The following GC variants were observed in gnomAD, a reference collection of about 807,000 sequenced individuals.
The protein encoded by GC is vitamin D-binding protein.
In GC, 43 loss-of-function variants were observed where a neutral mutation model predicts 56.7. That is an observed-to-expected ratio of 0.76 (90% CI 0.59 to 0.98). The LOEUF is 0.98. GC is among the 50% of genes least tolerant of loss of function. GC has a pLI of 0.00. For synonymous variants in GC, 216 were observed against 202.7 expected, an observed-to-expected ratio of 1.07 and a Z score of -0.56; for missense variants, 529 against 545.9, an observed-to-expected ratio of 0.97 and a Z score of 0.31.
At chr4:71,782,804 T>C (rs1413862097) in intron 1 of GC, among the ~76,000 whole-genome samples, 1 of 151,800 alleles carries the variant, frequency 6.6e-6, no homozygotes, top group Non-Finnish European at 1.5e-5. Context: ...AGCAAATCCT[T>C]GGCCAAAAGA....
rs966864191 is a variant in GC at position 71,782,128 on chromosome 4, C to G, written c.58+1833G>C. ...ACAGAAACTTCTTTTCAAGGTAAGT[C>G]TTGAGTGTAATATATTTTGAAACAG... On this transcript the variant is annotated intron_variant, in intron 1 of 12. Coordinates refer to ENST00000273951, the MANE Select transcript of GC (RefSeq NM_000583.4). Among the ~76,000 whole-genome samples the G allele has an allele frequency of 8.6e-5, 13 of 151,652 alleles. No individual in the cohort carries two copies. In the East Asian group the frequency reaches 2.0e-3, roughly 23 times the overall value.
intron 11 of GC, 143 bp downstream of exon 11, chr4:71,752,375 T>G (rs555377347): frequency 1.6e-6 from 1 of 638,570 alleles, no homozygotes; most frequent in East Asian, 2.9e-5. Flanking sequence ...TTACTTTCAT[T>G]GCAAAGACAG....
At chr4:71,771,304 T>C (rs1192243441) in intron 1 of GC, among the ~76,000 whole-genome samples, 1 of 151,910 alleles carries the variant, frequency 6.6e-6, no homozygotes, top group African/African-American at 2.4e-5. Context: ...GTGGAGGTGG[T>C]GGTGATTAGA....
chr4:71,783,898 G>A (rs1441323629), intron 1 of GC, 63 bp downstream of exon 1: 1 of 1,217,270 alleles, frequency 8.2e-7, no homozygotes, highest in African/African-American at 1.6e-5. Context: ...CATTTTTTAA[G>A]TGATAATATA....
Position 71,754,456 on chromosome 4 carries a change from A to G in GC, c.1217T>C (p.Leu406Pro). ...LSSFIDKGQE[L>P]CADYSENTFT... ...TGTATTTTCTGAATAATCTGCACAT[A>G]GTTCTTGTCCCTTGTCAATGAAAGA... Residue 406 changes from leucine to proline, a missense_variant, in exon 10 of 13, where the codon CTA becomes CCA. Physicochemically the swap from Leu to Pro is moderately conservative, Grantham distance 98 (BLOSUM62 -3). Coordinates refer to ENST00000273951, the MANE Select transcript of GC (RefSeq NM_000583.4). The G allele has an allele frequency of 1.3e-6, 2 of 1,595,304 alleles. No individual in the cohort carries two copies. The highest frequency in any genetic ancestry group is 1.7e-6 in the Non-Finnish European group (2 of 1,163,766).
intron 1 of GC, among the ~76,000 whole-genome samples, chr4:71,778,831 C>T (rs970011456): frequency 2.6e-5 from 4 of 151,400 alleles, no homozygotes; most frequent in Non-Finnish European, 5.9e-5. Context: ...TCTGTTCTTC[C>T]TCAGTTTTCT....
intron 3 of GC, 26 bp from the exon 4 acceptor site, chr4:71,765,669 C>G (rs779226587): frequency 1.5e-6 from 2 of 1,361,902 alleles, no homozygotes; most frequent in African/African-American, 1.4e-5. Context: ...AAAGGAAACT[C>G]ATATATATAT....
At chr4:71,801,232 C>T (rs1199131452) in intron 1 of GC, among the ~76,000 whole-genome samples, 2 of 152,142 alleles carry the variant, frequency 1.3e-5, no homozygotes, top group African/African-American at 2.4e-5. Context: ...AGGAGTCTGA[C>T]CTCATTAGAG....
chr4:71,804,391 T>G (rs1186257534), upstream of GC, among the ~76,000 whole-genome samples: 1 of 152,212 alleles, frequency 6.6e-6, no homozygotes, highest in Admixed American at 6.5e-5. Flanking sequence ...TGTGGGCTAA[T>G]GGGCCCTGTT....
intron 1 of GC, among the ~76,000 whole-genome samples, chr4:71,795,062 A>G (rs1397598076): frequency 6.6e-6 from 1 of 152,128 alleles, no homozygotes; most frequent in East Asian, 1.9e-4. Flanking sequence ...TTTGCTAGGA[A>G]GTGTTTTACT....
chr4:71,795,931 G>C (rs919550157), intron 1 of GC, among the ~76,000 whole-genome samples: 2 of 152,150 alleles, frequency 1.3e-5, no homozygotes, highest in African/African-American at 4.8e-5. Context: ...AGTTTGGCTG[G>C]ATATGAAATT....
chr4:71,755,878 C>A (rs1741752490), intron 8 of GC, among the ~76,000 whole-genome samples: 1 of 152,188 alleles, frequency 6.6e-6, no homozygotes, highest in Non-Finnish European at 1.5e-5. Flanking sequence ...TGTAAAGTTT[C>A]AGTCCTATGT....
chr4:71,760,820 A>G (rs933170457), intron 6 of GC, among the ~76,000 whole-genome samples: 1 of 152,270 alleles, frequency 6.6e-6, no homozygotes. Flanking sequence ...TTTGCCTGCG[A>G]CCATCCATGT....
In GC at chr4:71,783,682, G is replaced by A. The variant is rs576637277; in HGVS notation, c.58+279C>T. The stretch of plus-strand genomic sequence containing the variant: ...GTCTAATTTTAAATTATTCTCTCTA[G>A]GTCTTGCTTATCAACAAAGGAGGAA... On this transcript the variant is annotated intron_variant, in intron 1 of 12. Coordinates refer to ENST00000273951, the MANE Select transcript of GC (RefSeq NM_000583.4). 5.9e-5 allele frequency among the ~76,000 whole-genome samples: 9 copies of A among 151,596 alleles called. No individual in the cohort carries two copies. The East Asian group carries it at 1.8e-3, about 30-fold the overall frequency.
intron 6 of GC, among the ~76,000 whole-genome samples, chr4:71,761,304 T>C (rs1741967243): frequency 1.3e-5 from 2 of 152,146 alleles, no homozygotes; most frequent in South Asian, 4.1e-4. Flanking sequence ...TCTGTGGAAC[T>C]TTGAACTTGA....
chr4:71,756,702 C>T lies in GC; in HGVS notation c.1034+10G>A. 6.3e-7 allele frequency: 1 copy of T among 1,592,426 alleles called. No individual in the cohort carries two copies. Among genetic ancestry groups the T allele is most frequent in the East Asian group, 2.2e-5 (1 of 44,760 alleles). The stretch of plus-strand genomic sequence containing the variant: ...AAATGGGAAAACGTTTTCACATCAC[C>T]TCTACTTACTTATCCATGACTTTGG... On this transcript the variant is annotated intron_variant, in intron 8 of 12. Transcript: ENST00000273951.
At chr4:71,742,987 TG>T (rs1189749573) in intron 12 of GC, among the ~76,000 whole-genome samples, 1 of 151,418 alleles carries the variant, frequency 6.6e-6, no homozygotes. Context: ...GTGGGCAGGG[TG>T]GGGGGTAAGA....
upstream of GC, among the ~76,000 whole-genome samples, chr4:71,788,358 G>T (rs1040462175): frequency 1.1e-3 from 171 of 151,824 alleles, no homozygotes; most frequent in African/African-American, 3.8e-3. Flanking sequence ...ACAGAGTGCA[G>T]GAGTTCAGAA....
chr4:71,765,450 G>A lies in GC; in HGVS notation c.455C>T (p.Pro152Leu). ...CACTCACTGATTAGCATATTCCTTT[G>A]GATCTTTCCTGAACGCCTCACAGAT... ...DEICEAFRKD[P>L]KEYANQFMWE... The change falls in exon 4 of 13, where the codon CCA (proline) becomes CTA (leucine). Residue 152 changes from proline to leucine, a missense_variant. Physicochemically the swap from Pro to Leu is moderately conservative, Grantham distance 98. Coordinates refer to ENST00000273951, the MANE Select transcript of GC (RefSeq NM_000583.4). 2.5e-6 allele frequency: 4 copies of A among 1,613,248 alleles called. No homozygotes were observed. The South Asian group carries it at 3.3e-5, about 13-fold the overall frequency.
Sources: gnomAD v4.1 joint callset for allele counts (sites outside exome capture counted in the v4.1 genomes callset) on GRCh38, gnomAD v4.1.1 for gene constraint, MANE v1.5 for transcripts, NCBI Gene and HGNC (gene_info 2026-07-23, HGNC 2026-07-21) for gene names.